The following MATN2 variants were observed in gnomAD, a reference collection of about 807,000 sequenced individuals.
MATN2 encodes the protein matrilin-2.
A neutral mutation model predicts 103.2 loss-of-function variants in MATN2; 69 were observed. That is an observed-to-expected ratio of 0.67 (90% CI 0.55 to 0.82). The LOEUF (loss-of-function observed/expected upper bound fraction) is 0.82, where lower values mean the gene tolerates loss of function less well. MATN2 is among the 40% of genes least tolerant of loss of function. The pLI is 0.00. For synonymous variants in MATN2, 429 were observed against 450.2 expected (o/e 0.95, Z 0.60); for missense variants, 1,023 against 1,211.5 (o/e 0.84, Z 2.31).
rs1490100134 is a variant in MATN2, at chr8:97,961,489, A to G, written c.917A>G (p.Tyr306Cys). 6.2e-7 allele frequency: 1 copy of G among 1,613,746 alleles called. No homozygotes were observed. The highest frequency in any genetic ancestry group is 8.5e-7 in the Non-Finnish European group (1 of 1,179,762). ...NVPGSFVCQC[Y>C]SGYALAEDGK... ...CCGGGCTCCTTCGTCTGCCAGTGCTACAGTGGCTACGCCCTGGCTGAGGAT... is the reference window on the plus strand; with the variant it reads ...CCGGGCTCCTTCGTCTGCCAGTGCTGCAGTGGCTACGCCCTGGCTGAGGAT... Residue 306 changes from tyrosine to cysteine, a missense_variant, in exon 5 of 19, where the codon TAC (tyrosine) becomes TGC (cysteine). Physicochemically the swap from Tyr to Cys is radical, Grantham distance 194. Coordinates refer to ENST00000254898, the MANE Select transcript of MATN2 (RefSeq NM_002380.5).
At chr8:98,003,147 C>T (rs6985434) in intron 7 of MATN2, among the ~76,000 whole-genome samples, 93,457 of 150,812 alleles carry the variant, frequency 0.62, 29,509 homozygotes, top group African/African-American at 0.7. Flanking sequence ...TTGTGTTCAC[C>T]GTCCCCTCAT....
chr8:98,027,569 A>G lies in MATN2; in HGVS notation c.2096A>G (p.Tyr699Cys), dbSNP rs1563735349. 6.2e-7 allele frequency: 1 copy of G among 1,613,966 alleles called. No individual in the cohort carries two copies. The highest frequency in any genetic ancestry group is 2.2e-5 in the East Asian group (1 of 44,866). The change falls in exon 14 of 19, where the codon TAT becomes TGT. Residue 699 changes from tyrosine (Y) to cysteine (C), a missense_variant. Coordinates refer to ENST00000254898, the MANE Select transcript of MATN2 (RefSeq NM_002380.5). ...PKAARVGLLQ[Y>C]STQVHTEFTL... ...GCCGCTCGAGTGGGGCTGCTCCAGT[A>G]TTCCACACAGGTCCACACAGAGTTC...
At chr8:97,990,484 A>T (rs559454112) in intron 6 of MATN2, among the ~76,000 whole-genome samples, 1 of 152,344 alleles carries the variant, frequency 6.6e-6, no homozygotes, top group East Asian at 1.9e-4. Context: ...TGCAAAAGGA[A>T]TGAAAGCATA....
rs567873251 is a variant in MATN2 at position 97,922,911 on chromosome 8, A to C, written c.143-8042A>C. Among the ~76,000 whole-genome samples, 22 of 152,316 alleles carry C rather than the reference A, an allele frequency of 1.4e-4. 1 individual carries two copies. In the South Asian group the frequency reaches 4.4e-3, roughly 30 times the overall value. ...CCGTTATTGTGTCCTTTTCACAGTCAGGAGTCTTTTCCTTCCTCTGTATCC... is the reference window on the plus strand; with the variant it reads ...CCGTTATTGTGTCCTTTTCACAGTCCGGAGTCTTTTCCTTCCTCTGTATCC... On this transcript the variant is annotated intron_variant, in intron 2 of 18. Transcript: ENST00000254898.
intron 7 of MATN2, among the ~76,000 whole-genome samples, chr8:98,000,020 A>G (rs1340571748): frequency 2.6e-5 from 4 of 151,808 alleles, no homozygotes; most frequent in Non-Finnish European, 5.9e-5. Context: ...AGCTGGGACT[A>G]CAGATATGTA....
chr8:98,002,797 T>G (rs77782133), intron 7 of MATN2, among the ~76,000 whole-genome samples: 5,590 of 152,264 alleles, frequency 0.037, 336 homozygotes, highest in African/African-American at 0.13. Flanking sequence ...CCTGGTTTCC[T>G]GAAGATTTAG....
rs185581592 is a variant in MATN2, at chr8:97,941,004, T to A, written c.713-773T>A. The stretch of plus-strand genomic sequence containing the variant: ...TGAAACCCTGTCTCTACAAAAAAAA[T>A]TTTAAAAATTAGCCGGGCATGGTGG... On this transcript the variant is annotated intron_variant, in intron 3 of 18. Transcript: ENST00000254898. 7.5e-3 allele frequency among the ~76,000 whole-genome samples: 1,126 copies of A among 150,868 alleles called. 9 individuals are homozygous for A. The highest frequency in any genetic ancestry group is 0.014 in the Admixed American group (215 of 15,138).
intron 7 of MATN2, among the ~76,000 whole-genome samples, chr8:97,997,432 G>A (rs554227170): frequency 3.3e-5 from 5 of 152,246 alleles, no homozygotes; most frequent in African/African-American, 1.2e-4. Flanking sequence ...GCACTCAGCT[G>A]GTATCAAAAT....
intron 4 of MATN2, among the ~76,000 whole-genome samples, chr8:97,946,509 G>C (rs958724892): frequency 3.3e-5 from 5 of 152,042 alleles, no homozygotes; most frequent in Admixed American, 6.5e-5. Flanking sequence ...AAAAAATGGG[G>C]GGAAAGAAAA....
chr8:97,907,255 C>A (rs992071028), intron 2 of MATN2, among the ~76,000 whole-genome samples: 1 of 151,166 alleles, frequency 6.6e-6, no homozygotes, highest in Admixed American at 6.6e-5. Context: ...CCTGCCTCGG[C>A]CCCTTAAACT....
At chr8:97,958,233 G>A (rs956019273) in intron 4 of MATN2, among the ~76,000 whole-genome samples, 1 of 152,294 alleles carries the variant, frequency 6.6e-6, no homozygotes, top group Admixed American at 6.5e-5. Flanking sequence ...ACCACTACTT[G>A]GTAACCATGG....
In MATN2 at chr8:97,909,510, C is replaced by T. The variant is rs189418286; in HGVS notation, c.142+21268C>T. Among the ~76,000 whole-genome samples, 559 of 152,224 alleles carry T rather than the reference C, an allele frequency of 3.7e-3. 6 individuals carry two copies. Among genetic ancestry groups the T allele is most frequent in the Admixed American group, 0.033 (510 of 15,286 alleles). ...CTTTAGATGAGTCGGGGGAAGGCCT[C>T]AGTGAGAAGGTGACTCTTCTTCACA... On this transcript the variant is annotated intron_variant, in intron 2 of 18. Transcript: ENST00000254898.
At chr8:97,927,935 C>G (rs1490780034) in intron 2 of MATN2, among the ~76,000 whole-genome samples, 3 of 152,152 alleles carry the variant, frequency 2.0e-5, no homozygotes, top group Non-Finnish European at 4.4e-5. Flanking sequence ...TGTGAATTTC[C>G]CTCCCTTCAA....
rs375876006 is a variant in MATN2, at chr8:97,931,050, C to T, written c.240C>T (p.Ile80=). The T allele has an allele frequency of 9.3e-6, 15 of 1,613,890 alleles. No homozygotes were observed. Among genetic ancestry groups the T allele is most frequent in the African/African-American group, 4.0e-5 (3 of 74,928 alleles). ...THDYAKVKEF[I]VDILQFLDIG... is the part of the protein sequence containing the mutation. The stretch of plus-strand genomic sequence containing the variant: ...ACTATGCAAAGGTCAAGGAGTTCAT[C>T]GTGGACATCTTGCAATTCTTGGACA... Residue 80 remains isoleucine (I), a synonymous_variant, in exon 3 of 19, where the codon ATC becomes ATT. Transcript: ENST00000254898. The surrounding 1 kb of genome is among the most constrained non-coding windows in gnomAD (Gnocchi z 4.1).
At position 98,035,667 on chromosome 8, in the gene MATN2, G is replaced by C. The variant is rs773642635; in HGVS notation, c.2826G>C (p.Met942Ile). The C allele has an allele frequency of 6.9e-6, 11 of 1,583,448 alleles. No homozygotes were observed. The Admixed American group carries it at 1.0e-4, about 15-fold the overall frequency. The change falls in exon 19 of 19, where the codon ATG (methionine) becomes ATC (isoleucine). Residue 942 changes from methionine to isoleucine, a missense_variant. Met to Ile is a conservative substitution (Grantham distance 10, BLOSUM62 1). Transcript: ENST00000254898. ...TAATTTGAGATTTACTAGAAGAAAT[G>C]ACACAGAGAATGGAAGCCCTGGAAA... ...VRKLTQRLEE[M>I]TQRMEALENR...
chr8:97,883,768 A>G (rs1370342417), intron 1 of MATN2, among the ~76,000 whole-genome samples: 2 of 151,960 alleles, frequency 1.3e-5, no homozygotes, highest in African/African-American at 2.4e-5. Flanking sequence ...GTTAACCAGG[A>G]TGGTCTCGAT....
chr8:97,918,648 ACT>A (rs1318321085), intron 2 of MATN2, among the ~76,000 whole-genome samples: 1 of 152,144 alleles, frequency 6.6e-6, no homozygotes, highest in African/African-American at 2.4e-5. Context: ...GGAGATTTGC[ACT>A]TAGGCGACTG....
intron 7 of MATN2, among the ~76,000 whole-genome samples, chr8:98,000,859 A>G (rs1812760304): frequency 6.6e-6 from 1 of 152,214 alleles, no homozygotes; most frequent in Non-Finnish European, 1.5e-5. Flanking sequence ...GATACAAAAC[A>G]TACTACATAA....
At chr8:97,930,293 C>T (rs1312101009) in intron 2 of MATN2, among the ~76,000 whole-genome samples, 3 of 152,226 alleles carry the variant, frequency 2.0e-5, no homozygotes, top group Admixed American at 6.5e-5. Flanking sequence ...CTGTCCTAAG[C>T]TTCTGTTATA....
Sources: gnomAD v4.1 joint callset for allele counts (sites outside exome capture counted in the v4.1 genomes callset) on GRCh38, gnomAD v4.1.1 for gene constraint, Gnocchi (gnomAD v3.1) non-coding constraint, MANE v1.5 for transcripts, NCBI Gene and HGNC (gene_info 2026-07-23, HGNC 2026-07-21) for gene names.